RMP64: variants seen among roughly 807,000 people sequenced by gnomAD.
RMP64 encodes the protein nucleolus and neural progenitor protein.
the RMP64 span, chr3:113,019,625 C>T: frequency 6.2e-7 from 1 of 1,613,560 alleles, no homozygotes; most frequent in Non-Finnish European, 8.5e-7. Context: ...CGGCTCCAGG[C>T]CCGGCGGCAC....
At chr3:113,006,138 C>T in the RMP64 span, 1 of 661,002 alleles carries the variant, frequency 1.5e-6, no homozygotes, top group Non-Finnish European at 2.5e-6. Flanking sequence ...ATCCCAGAAC[C>T]ACATCGAAAA....
the RMP64 span, chr3:113,013,049 C>T: frequency 1.6e-6 from 1 of 619,508 alleles, no homozygotes; most frequent in Non-Finnish European, 2.9e-6. Flanking sequence ...GAATTTCTAG[C>T]TATCAATGCT....
At chr3:113,016,216 G>C in the RMP64 span, among the ~76,000 whole-genome samples, 1 of 152,136 alleles carries the variant, frequency 6.6e-6, no homozygotes, top group Non-Finnish European at 1.5e-5. Flanking sequence ...ACACAATGGA[G>C]AACGACTAAA....
chr3:113,011,673 A>G, the RMP64 span: 12 of 276,838 alleles, frequency 4.3e-5, no homozygotes, highest in East Asian at 7.5e-4. Flanking sequence ...AGAAATGTAC[A>G]AAAGGATGCA....
At chr3:113,005,760 C>T in the RMP64 span, 1 of 1,613,936 alleles carries the variant, frequency 6.2e-7, no homozygotes, top group Non-Finnish European at 8.5e-7. Flanking sequence ...GTTCTATGCA[C>T]AGTACAGTGT....
the RMP64 span, chr3:113,014,350 A>C: frequency 5.2e-6 from 1 of 192,242 alleles, no homozygotes; most frequent in Non-Finnish European, 1.1e-5. Flanking sequence ...AATTTTGCTA[A>C]GACAAGATTT....
chr3:113,018,097 T>C, the RMP64 span, among the ~76,000 whole-genome samples: 9 of 152,208 alleles, frequency 5.9e-5, no homozygotes, highest in Admixed American at 1.3e-4. Flanking sequence ...ACAAACATAT[T>C]CAGAAAAGAA....
the RMP64 span, chr3:113,005,534 A>G: frequency 6.3e-7 from 1 of 1,580,434 alleles, no homozygotes; most frequent in Non-Finnish European, 8.7e-7. Flanking sequence ...ATGAACGAAC[A>G]TCTAAACTCC....
At chr3:113,012,173 C>G in the RMP64 span, among the ~76,000 whole-genome samples, 3 of 152,072 alleles carry the variant, frequency 2.0e-5, no homozygotes, top group Non-Finnish European at 4.4e-5. Flanking sequence ...TACCAGCATA[C>G]ATCAACTAAA....
the RMP64 span, chr3:113,013,460 TTG>T: frequency 1.9e-4 from 242 of 1,282,228 alleles, no homozygotes; most frequent in Admixed American, 4.1e-4. Context: ...GGTTTTTTTT[TTG>T]TTTTTTTTTT....
chr3:113,014,557 G>GAAA, the RMP64 span: 1 of 151,890 alleles, frequency 6.6e-6, no homozygotes, highest in Non-Finnish European at 1.5e-5. Flanking sequence ...GGGTTTCACC[G>GAAA]TGTTTGCCAG....
the RMP64 span, among the ~76,000 whole-genome samples, chr3:113,006,652 CTGTT>C: frequency 1.3e-5 from 2 of 152,210 alleles, no homozygotes; most frequent in African/African-American, 2.4e-5. Context: ...AATTGTTTCA[CTGTT>C]TGTGATAGAT....
the RMP64 span, chr3:113,013,136 G>T: frequency 1.1e-6 from 1 of 912,914 alleles, no homozygotes; most frequent in Non-Finnish European, 1.7e-6. Flanking sequence ...AGAAAAGGAG[G>T]CCAAGAAGCA....
At chr3:113,011,735 T>C in the RMP64 span, among the ~76,000 whole-genome samples, 1 of 152,206 alleles carries the variant, frequency 6.6e-6, no homozygotes, top group Non-Finnish European at 1.5e-5. Context: ...AATTTCAGGT[T>C]CTTCACATTT....
At chr3:113,016,028 G>C in the RMP64 span, among the ~76,000 whole-genome samples, 529 of 152,200 alleles carry the variant, frequency 3.5e-3, 5 homozygotes, top group African/African-American at 0.012. Flanking sequence ...AAACATACAG[G>C]ACCAGGTAAG....
chr3:113,019,637 G>A, the RMP64 span: 5 of 1,613,020 alleles, frequency 3.1e-6, no homozygotes, highest in African/African-American at 2.7e-5. Flanking sequence ...CGGCGGCACC[G>A]CAGCCATCAT....
chr3:113,008,088 T>TTTAAAGAAA, the RMP64 span: 1 of 1,332,732 alleles, frequency 7.5e-7, no homozygotes, highest in Admixed American at 2.0e-5. Context: ...GGACATCACA[T>TTTAAAGAAA]TTTAAAGAAA....
chr3:113,012,820 T>C, the RMP64 span: 2 of 1,544,314 alleles, frequency 1.3e-6, no homozygotes, highest in East Asian at 2.2e-5. Flanking sequence ...AACTGGAAAA[T>C]CAATTTAAGG....
At chr3:113,013,426 C>T in the RMP64 span, 3 of 1,441,488 alleles carry the variant, frequency 2.1e-6, no homozygotes, top group Non-Finnish European at 2.8e-6. Context: ...AGAAAAAGTA[C>T]ATTACTTTCA....
Sources: gnomAD v4.1 joint callset for allele counts (sites outside exome capture counted in the v4.1 genomes callset) on GRCh38, gnomAD v4.1.1 for gene constraint, MANE v1.5 for transcripts, NCBI Gene and HGNC (gene_info 2026-07-23, HGNC 2026-07-21) for gene names.